SLC35F3: variants seen among roughly 807,000 people sequenced by gnomAD.
The protein encoded by SLC35F3 is solute carrier family 35 member F3.
A neutral mutation model predicts 49.9 loss-of-function variants in SLC35F3; 25 were observed. That is an observed-to-expected ratio of 0.50 (90% confidence interval 0.37 to 0.70). SLC35F3 has a LOEUF of 0.70. Ranked by LOEUF, SLC35F3 falls within the 30% of genes least tolerant of loss-of-function variation. The pLI, the probability that SLC35F3 is intolerant of heterozygous loss-of-function variation, is 0.00. For synonymous variants in SLC35F3, 275 were observed against 265.4 expected, an observed-to-expected ratio of 1.04 and a Z score of -0.35; for missense variants, 525 against 639.8, an observed-to-expected ratio of 0.82 and a Z score of 1.94.
intron 2 of SLC35F3, among the ~76,000 whole-genome samples, chr1:234,080,399 A>G (rs763780798): frequency 6.6e-6 from 1 of 152,222 alleles, no homozygotes; most frequent in Non-Finnish European, 1.5e-5. Context: ...ACCCAAGAGA[A>G]TAGAAAACAT....
chr1:233,926,940 C>T (rs1430411785), intron 2 of SLC35F3, among the ~76,000 whole-genome samples: 1 of 152,162 alleles, frequency 6.6e-6, no homozygotes, highest in African/African-American at 2.4e-5. Flanking sequence ...ACTCCAGACC[C>T]TGTTTGACTG....
Position 233,905,365 on chromosome 1 carries a change from G to A in SLC35F3, c.54-164G>A, listed in dbSNP as rs371828599. Among the ~76,000 whole-genome samples, 4 of 152,208 alleles carry A rather than the reference G, an allele frequency of 2.6e-5. No homozygotes were observed. In the East Asian group the frequency reaches 7.7e-4, roughly 29 times the overall value. ...GACAGCTGCCCGGGGAAGTGGGTGAGTGGCGGCGGGAAGGGAGGAGCGCGG... is the reference window on the plus strand; with the variant it reads ...GACAGCTGCCCGGGGAAGTGGGTGAATGGCGGCGGGAAGGGAGGAGCGCGG... On this transcript the variant is annotated intron_variant, in intron 1 of 7. Transcript: ENST00000366618.
At position 234,131,901 on chromosome 1, in the gene SLC35F3, T is replaced by C. The variant is rs189873727; in HGVS notation, c.284-99516T>C. Among the ~76,000 whole-genome samples the C allele has an allele frequency of 6.6e-5, 10 of 152,296 alleles. No individual in the cohort carries two copies. In the East Asian group the frequency reaches 1.9e-3, roughly 29 times the overall value. ...TTGATGCTCAGCAAATAATAAGCGA[T>C]AATAATAAGGTTCTCTTGTGAAAAC... On this transcript the variant is annotated intron_variant, in intron 2 of 7. Coordinates refer to ENST00000366618, the MANE Select transcript of SLC35F3 (RefSeq NM_173508.4).
At chr1:234,194,681 A>G (rs550592405) in intron 2 of SLC35F3, among the ~76,000 whole-genome samples, 5 of 152,192 alleles carry the variant, frequency 3.3e-5, no homozygotes, top group Non-Finnish European at 7.4e-5. Flanking sequence ...GACCCCTTAA[A>G]GGCTTAGAAA....
intron 2 of SLC35F3, among the ~76,000 whole-genome samples, chr1:233,926,993 C>T (rs11582834): frequency 0.73 from 111,706 of 152,162 alleles, 44,399 homozygotes; most frequent in Middle Eastern, 0.9. Flanking sequence ...TATTGCAGAA[C>T]GGCAAATGTT....
chr1:234,039,822 T>C (rs1214276785), intron 2 of SLC35F3, among the ~76,000 whole-genome samples: 1 of 152,170 alleles, frequency 6.6e-6, no homozygotes, highest in Non-Finnish European at 1.5e-5. Flanking sequence ...CGCGGCAGCA[T>C]CCAGGTGGGG....
At chr1:234,101,141 G>A (rs1665207839) in intron 2 of SLC35F3, among the ~76,000 whole-genome samples, 1 of 151,912 alleles carries the variant, frequency 6.6e-6, no homozygotes, top group South Asian at 2.1e-4. Flanking sequence ...AAGTCTCAGA[G>A]AGGTGACCCT....
At chr1:233,980,036 T>C (rs1663154756) in intron 2 of SLC35F3, among the ~76,000 whole-genome samples, 1 of 152,094 alleles carries the variant, frequency 6.6e-6, no homozygotes, top group Non-Finnish European at 1.5e-5. Context: ...TGGCAGGAGG[T>C]AGAGAGGACT....
chr1:234,131,381 G>T (rs1183818784), intron 2 of SLC35F3, among the ~76,000 whole-genome samples: 1 of 152,266 alleles, frequency 6.6e-6, no homozygotes, highest in Admixed American at 6.5e-5. Flanking sequence ...TCATAGGAAG[G>T]CTGTGGCCCT....
In SLC35F3 at chr1:234,231,399, C is replaced by T. The variant is rs576917683; in HGVS notation, c.284-18C>T. The T allele has an allele frequency of 3.6e-5, 54 of 1,500,890 alleles. No homozygotes were observed. The highest frequency in any genetic ancestry group is 4.6e-5 in the Admixed American group (2 of 43,402). 93.0% of individuals were successfully genotyped at this position (1,500,890 alleles called of 1,614,324 possible). ...GAAGGTCTGCAGGCCCCGCTAACCACGCCCTTCTCTTCCCCAGGGGAGGAG... is the reference window on the plus strand; with the variant it reads ...GAAGGTCTGCAGGCCCCGCTAACCATGCCCTTCTCTTCCCCAGGGGAGGAG... On this transcript the variant is annotated intron_variant, in intron 2 of 7. Transcript: ENST00000366618. The surrounding 1 kb of genome is among the most constrained non-coding windows in gnomAD (Gnocchi z 5.4).
rs749349419 is a variant in SLC35F3, at chr1:234,324,323, A to G, written c.*1080A>G. ...AGAGTTTACTATTTTTGAAGTTTAC[A>G]TTGTTACATATGAAATGGAAACATT... On this transcript the variant is annotated 3_prime_UTR_variant, in exon 8 of 8. Coordinates refer to ENST00000366618, the MANE Select transcript of SLC35F3 (RefSeq NM_173508.4). The G allele has an allele frequency of 6.6e-6, 1 of 152,228 alleles. No individual in the cohort carries two copies. Among genetic ancestry groups the G allele is most frequent in the Non-Finnish European group, 1.5e-5 (1 of 68,032 alleles). The allele number at this position is 152,228 out of a possible 1,614,324, so 9.4% of individuals were successfully genotyped here.
intron 2 of SLC35F3, among the ~76,000 whole-genome samples, chr1:234,197,217 A>G (rs796427900): frequency 3.9e-5 from 6 of 152,338 alleles, no homozygotes; most frequent in African/African-American, 1.4e-4. Context: ...ACCCACTCCC[A>G]CTGAGGCTGG....
At chr1:234,286,684 A>C (rs185268263) in intron 3 of SLC35F3, among the ~76,000 whole-genome samples, 134 of 152,356 alleles carry the variant, frequency 8.8e-4, no homozygotes, top group African/African-American at 3.0e-3. Flanking sequence ...AGCAACAAAC[A>C]TTTGATTGTC....
chr1:234,039,714 C>A (rs1664193043), intron 2 of SLC35F3, among the ~76,000 whole-genome samples: 1 of 152,202 alleles, frequency 6.6e-6, no homozygotes, highest in African/African-American at 2.4e-5. Flanking sequence ...ACTCAGCCTG[C>A]CATGCTCAAC....
intron 2 of SLC35F3, among the ~76,000 whole-genome samples, chr1:233,969,398 C>T (rs1159253586): frequency 6.6e-5 from 10 of 152,192 alleles, no homozygotes; most frequent in South Asian, 4.1e-4. Flanking sequence ...CTGCCATCTG[C>T]GGTGCCTCCT....
intron 2 of SLC35F3, among the ~76,000 whole-genome samples, chr1:233,981,122 T>C (rs1288683719): frequency 6.6e-6 from 1 of 152,160 alleles, no homozygotes; most frequent in East Asian, 1.9e-4. Flanking sequence ...CTGGTAGCAT[T>C]TTACATAACT....
intron 2 of SLC35F3, among the ~76,000 whole-genome samples, chr1:234,179,488 C>T (rs1339910443): frequency 6.6e-6 from 1 of 152,146 alleles, no homozygotes; most frequent in African/African-American, 2.4e-5. Context: ...TTTCAATACA[C>T]ATAAGGTATA....
chr1:234,214,184 G>A lies in SLC35F3; in HGVS notation c.284-17233G>A, dbSNP rs1345497562. 8.1e-6 allele frequency: 9 copies of A among 1,114,798 alleles called. No individual in the cohort carries two copies. The highest frequency in any genetic ancestry group is 9.9e-6 in the Non-Finnish European group (9 of 913,672). The allele number at this position is 1,114,798 out of a possible 1,614,324, so 69.1% of individuals were successfully genotyped here. On this transcript the variant is annotated intron_variant, in intron 2 of 7. Transcript: ENST00000366618. The surrounding 1 kb of genome is among the most constrained non-coding windows in gnomAD (Gnocchi z 8.0). ...AGGAGGGCGGAGCAGGTGAGCTGCG[G>A]GGTGGGAGCAGGGAGTGCACTTGTA...
intron 2 of SLC35F3, among the ~76,000 whole-genome samples, chr1:234,056,476 CT>C (rs779899905): frequency 6.6e-5 from 10 of 152,150 alleles, no homozygotes; most frequent in Non-Finnish European, 1.2e-4. Context: ...TTTTAGAACA[CT>C]TTAATGACTT....
Sources: allele counts gnomAD v4.1 joint callset (sites outside exome capture counted in the v4.1 genomes callset), GRCh38; gene constraint gnomAD v4.1.1; non-coding constraint Gnocchi (gnomAD v3.1); transcripts MANE v1.5; gene names NCBI Gene and HGNC (gene_info 2026-07-23, HGNC 2026-07-21).